Variants in TTF2 observed in about 807,000 individuals in gnomAD.
TTF2 encodes RNA polymerase II termination factor.
A neutral mutation model predicts 142.4 loss-of-function variants in TTF2; 108 were observed. That is an observed-to-expected ratio of 0.76 (90% CI 0.65 to 0.89). TTF2 has a LOEUF of 0.89. Among genes scored for constraint, TTF2 ranks in the 40% least tolerant of loss-of-function variants. TTF2 has a pLI of 0.00. For synonymous variants in TTF2, 483 were observed against 506.2 expected (o/e 0.95, Z 0.61); for missense variants, 1,327 against 1,379.8 (o/e 0.96, Z 0.61).
chr1:117,088,821 T>G lies in TTF2; in HGVS notation c.2181T>G (p.Leu727=). 6.2e-7 allele frequency: 1 copy of G among 1,613,710 alleles called. No individual in the cohort carries two copies. The stretch of plus-strand genomic sequence containing the variant: ...TCCAGGGCACCTCAACACCTTTGCT[T>G]CGAATAGCCTGGGCTCGAATCATAT... ...LNVEGTSTPL[L]RIAWARIILD... is the part of the protein sequence containing the mutation. The change falls in exon 13 of 23, where the codon CTT becomes CTG. Residue 727 remains leucine, a synonymous_variant. Coordinates refer to ENST00000369466, the MANE Select transcript of TTF2 (RefSeq NM_003594.4).
Position 117,087,924 on chromosome 1 carries a change from A to G in TTF2, c.2161-877A>G, listed in dbSNP as rs140044544. ...CTTCAGCAGACGTTGAGTATCCACT[A>G]TGGGTCAGGTGCTGTTTCGTCAAGA... is the stretch of plus-strand genomic sequence containing the variant. On this transcript the variant is annotated intron_variant, in intron 12 of 22. Coordinates refer to ENST00000369466, the MANE Select transcript of TTF2 (RefSeq NM_003594.4). This position sits in a 1 kb window ranked among gnomAD's most constrained non-coding sequence, Gnocchi z 4.8. Among the ~76,000 whole-genome samples the G allele has an allele frequency of 2.1e-4, 32 of 152,300 alleles. No individual in the cohort carries two copies. Among genetic ancestry groups the G allele is most frequent in the African/African-American group, 7.0e-4 (29 of 41,580 alleles).
In TTF2 at chr1:117,062,437, A is replaced by C; in HGVS notation, c.182A>C (p.Gln61Pro). ...CATGAGGACTTTGTGGTAGAGCTTC[A>C]GGGTTTGCTTCTGCCACAGGACAAG... The part of the protein sequence containing the change: ...LLHEDFVVEL[Q>P]GLLLPQDKKE... Residue 61 changes from glutamine (Q) to proline (P), a missense_variant, in exon 3 of 23, where the codon CAG becomes CCG. By Grantham distance (76) the Gln-to-Pro change is moderately conservative (BLOSUM62 -1). Transcript: ENST00000369466. 6.2e-7 allele frequency: 1 copy of C among 1,612,560 alleles called. No individual in the cohort carries two copies. The highest frequency in any genetic ancestry group is 8.5e-7 in the Non-Finnish European group (1 of 1,179,738).
Position 117,088,877 on chromosome 1 carries a change from G to T in TTF2, c.2237G>T (p.Arg746Leu). 2 of 1,614,170 alleles carry T rather than the reference G, an allele frequency of 1.2e-6. No individual in the cohort carries two copies. Residue 746 changes from arginine to leucine, a missense_variant, in exon 13 of 23, where the codon CGA becomes CTA. Transcript: ENST00000369466. ...LDEAHNVKNP[R>L]VQTSIAVCKL... ...GAAGCTCACAATGTTAAGAATCCCC[G>T]AGTGCAGACTTCCATAGCTGTGTGT...
In TTF2 at chr1:117,085,351, C is replaced by T. The variant is rs1364096245; in HGVS notation, c.2055-1066C>T. Among the ~76,000 whole-genome samples the T allele has an allele frequency of 1.3e-5, 2 of 152,070 alleles. No homozygotes were observed. The highest frequency in any genetic ancestry group is 6.6e-5 in the Admixed American group (1 of 15,266). ...GGCAGATCACTTGAGCTCAGGAGTT[C>T]GAGACCAGCCTAGGCAACATGGTGA... is the stretch of plus-strand genomic sequence containing the variant. On this transcript the variant is annotated intron_variant, in intron 11 of 22. Transcript: ENST00000369466. This position sits in a 1 kb window ranked among gnomAD's most constrained non-coding sequence, Gnocchi z 4.7.
intron 3 of TTF2, among the ~76,000 whole-genome samples, chr1:117,064,834 T>G (rs1365873723): frequency 7.2e-6 from 1 of 138,256 alleles, no homozygotes; most frequent in African/African-American, 2.9e-5. Flanking sequence ...TTTTTTTTTC[T>G]TCTTCTTTTT....
At chr1:117,071,374 T>A (rs1189250207) in intron 3 of TTF2, among the ~76,000 whole-genome samples, 1 of 151,842 alleles carries the variant, frequency 6.6e-6, no homozygotes, top group Non-Finnish European at 1.5e-5. Flanking sequence ...ATAGAAAAAT[T>A]TTCAAGGTAT....
At chr1:117,084,267 G>A (rs1388438837) in intron 11 of TTF2, 99 bp downstream of exon 11, 11 of 1,452,408 alleles carry the variant, frequency 7.6e-6, no homozygotes, top group Admixed American at 3.9e-5. Context: ...TAATCAGGAC[G>A]CGTATTTGTG....
At chr1:117,072,780 G>C (rs1388433197) in intron 3 of TTF2, among the ~76,000 whole-genome samples, 1 of 152,120 alleles carries the variant, frequency 6.6e-6, no homozygotes, top group East Asian at 1.9e-4. Context: ...GAGTCTTGCT[G>C]TGTTGCCCAG....
chr1:117,075,003 A>G lies in TTF2; in HGVS notation c.419A>G (p.Gln140Arg). ...DKNQEPALWK[Q>R]LIKGEGEEKK... Reference sequence around the variant, plus strand: ...AATCAAGAACCAGCTCTCTGGAAACAGCTCATCAAAGGTGAAGGTGAGGAA... The same window carrying G: ...AATCAAGAACCAGCTCTCTGGAAACGGCTCATCAAAGGTGAAGGTGAGGAA... Residue 140 changes from glutamine to arginine, a missense_variant, in exon 5 of 23, where the codon CAG (glutamine) becomes CGG (arginine). Gln to Arg is a conservative substitution (Grantham distance 43). Coordinates refer to ENST00000369466, the MANE Select transcript of TTF2 (RefSeq NM_003594.4). The surrounding 1 kb of genome is among the most constrained non-coding windows in gnomAD (Gnocchi z 4.5). The G allele has an allele frequency of 1.2e-6, 2 of 1,614,062 alleles. No homozygotes were observed. Among genetic ancestry groups the G allele is most frequent in the Non-Finnish European group, 1.7e-6 (2 of 1,180,018 alleles).
chr1:117,072,400 A>G (rs1656652805), intron 3 of TTF2, among the ~76,000 whole-genome samples: 1 of 144,410 alleles, frequency 6.9e-6, no homozygotes, highest in African/African-American at 2.6e-5. Flanking sequence ...ATATTTTAGT[A>G]TGTAGCTTTA....
chr1:117,078,015 T>C lies in TTF2; in HGVS notation c.1673T>C (p.Val558Ala), dbSNP rs1287751531. The change falls in exon 8 of 23, where the codon GTT becomes GCT. Residue 558 changes from valine to alanine, a missense_variant. Val to Ala is a moderately conservative substitution (Grantham distance 64, BLOSUM62 0). Transcript: ENST00000369466. ...CTTGAGTCATGTCCTGGTGAGACGG[T>C]TGTGGCAGAAGATCCCGCCGGGCTG... ...RSLESCPGET[V>A]VAEDPAGLKV... The C allele has an allele frequency of 3.7e-6, 6 of 1,613,934 alleles. No individual in the cohort carries two copies. Among genetic ancestry groups the C allele is most frequent in the South Asian group, 3.3e-5 (3 of 91,072 alleles).
At chr1:117,083,920 G>A in intron 10 of TTF2, 98 bp from the exon 11 acceptor site, 1 of 1,428,088 alleles carries the variant, frequency 7.0e-7, no homozygotes, top group Non-Finnish European at 9.6e-7. Flanking sequence ...GAGACAGCCT[G>A]GGTAACACAG....
rs972625875 is a variant in TTF2 at position 117,100,372 on chromosome 1, C to T, written c.3345-1008C>T. On this transcript the variant is annotated intron_variant, in intron 22 of 22. Coordinates refer to ENST00000369466, the MANE Select transcript of TTF2 (RefSeq NM_003594.4). This position sits in a 1 kb window ranked among gnomAD's most constrained non-coding sequence, Gnocchi z 4.6. The stretch of plus-strand genomic sequence containing the variant: ...CTTCCCATGCCCACTGCCAGGTCCC[C>T]CCTTCCCACTCTGCTGAATCCTGTT... 6.6e-6 allele frequency among the ~76,000 whole-genome samples: 1 copy of T among 152,170 alleles called. No individual in the cohort carries two copies. Among genetic ancestry groups the T allele is most frequent in the African/African-American group, 2.4e-5 (1 of 41,424 alleles).
At position 117,091,881 on chromosome 1, in the gene TTF2, C is replaced by G; in HGVS notation, c.2736C>G (p.Ser912Arg). The G allele has an allele frequency of 3.7e-6, 6 of 1,613,728 alleles. No homozygotes were observed. Among genetic ancestry groups the G allele is most frequent in the Non-Finnish European group, 5.1e-6 (6 of 1,179,970 alleles). ...HSEAADSPRS[S>R]TVHILSQLLR... ...AGGCAGCAGACTCACCGAGATCCAG[C>G]ACCGTCCACATACTGTCCCAGTTGC... The change falls in exon 17 of 23, where the codon AGC becomes AGG. Residue 912 changes from serine (S) to arginine (R), a missense_variant. Ser to Arg is a moderately radical substitution (Grantham distance 110). Transcript: ENST00000369466.
rs1649986080 is a variant in TTF2 at position 117,106,885 on chromosome 1, T to C, written c.*5361T>C. ...TGAGCAACTATTGCATTTGGGACATTAGAGTATGGGTGGGCTGACAGGTAT... is the reference window on the plus strand; with the variant it reads ...TGAGCAACTATTGCATTTGGGACATCAGAGTATGGGTGGGCTGACAGGTAT... On this transcript the variant is annotated 3_prime_UTR_variant, in exon 23 of 23. Coordinates refer to ENST00000369466, the MANE Select transcript of TTF2 (RefSeq NM_003594.4). 6.6e-6 allele frequency: 1 copy of C among 152,184 alleles called. No individual in the cohort carries two copies. The highest frequency in any genetic ancestry group is 2.4e-5 in the African/African-American group (1 of 41,446). The allele number at this position is 152,184 out of a possible 1,614,324, so 9.4% of individuals were successfully genotyped here.
At chr1:117,062,614 T>C (rs1248696378) in intron 3 of TTF2, 141 bp downstream of exon 3, 2 of 659,596 alleles carry the variant, frequency 3.0e-6, no homozygotes, top group Non-Finnish European at 2.4e-6. Flanking sequence ...TAAGTGTCTT[T>C]TGGCTGTCAC....
At position 117,099,094 on chromosome 1, in the gene TTF2, G is replaced by C. The variant is rs1649386136; in HGVS notation, c.3344+187G>C. On this transcript the variant is annotated intron_variant, in intron 22 of 22. Transcript: ENST00000369466. The surrounding 1 kb of genome is among the most constrained non-coding windows in gnomAD (Gnocchi z 4.3). ...ACGAGCAATTTGGGGTAAGCTTGAAGTTGGTCACTGCAAAAGAAGAGCAAA... is the reference window on the plus strand; with the variant it reads ...ACGAGCAATTTGGGGTAAGCTTGAACTTGGTCACTGCAAAAGAAGAGCAAA... Among the ~76,000 whole-genome samples, 1 of 152,128 alleles carries C rather than the reference G, an allele frequency of 6.6e-6. No homozygotes were observed. The highest frequency in any genetic ancestry group is 6.6e-5 in the Admixed American group (1 of 15,260).
chr1:117,097,061 G>T lies in TTF2; in HGVS notation c.3187-290G>T, dbSNP rs1649215925. The stretch of plus-strand genomic sequence containing the variant: ...ATCTGGTTAATTGAAAGTTTATTGA[G>T]CTGACCATCCCCAGGGTTCTAAATT... On this transcript the variant is annotated intron_variant, in intron 20 of 22. Transcript: ENST00000369466. This position sits in a 1 kb window ranked among gnomAD's most constrained non-coding sequence, Gnocchi z 4.1. 2.0e-5 allele frequency among the ~76,000 whole-genome samples: 3 copies of T among 152,180 alleles called. No homozygotes were observed. The highest frequency in any genetic ancestry group is 4.1e-4 in the South Asian group (2 of 4,826).
In TTF2 at chr1:117,097,494, G is replaced by A; in HGVS notation, c.3269+61G>A. On this transcript the variant is annotated intron_variant, in intron 21 of 22. Coordinates refer to ENST00000369466, the MANE Select transcript of TTF2 (RefSeq NM_003594.4). This position sits in a 1 kb window ranked among gnomAD's most constrained non-coding sequence, Gnocchi z 4.1. ...ACATCAAGGAGGCCAGTGGGCTACA[G>A]GGGCAGCAAGAACTGACTTCTTATG... 1.3e-6 allele frequency: 2 copies of A among 1,489,586 alleles called. No individual in the cohort carries two copies. Among genetic ancestry groups the A allele is most frequent in the Admixed American group, 1.7e-5 (1 of 59,774 alleles). The allele number at this position is 1,489,586 out of a possible 1,614,324, so 92.3% of individuals were successfully genotyped here.
Sources: gnomAD v4.1 joint callset for allele counts (sites outside exome capture counted in the v4.1 genomes callset) on GRCh38, gnomAD v4.1.1 for gene constraint, Gnocchi (gnomAD v3.1) non-coding constraint, MANE v1.5 for transcripts, NCBI Gene and HGNC (gene_info 2026-07-23, HGNC 2026-07-21) for gene names.